The following TMEM116 variants were observed in gnomAD, a reference collection of about 807,000 sequenced individuals.
TMEM116 encodes the protein transmembrane protein 116.
In TMEM116, 38 loss-of-function variants were observed where a neutral mutation model predicts 44.3. The observed-to-expected ratio is 0.86, with a 90% confidence interval of 0.66 to 1.12. The LOEUF (loss-of-function observed/expected upper bound fraction) is 1.12, where lower values mean the gene tolerates loss of function less well. Ranked by LOEUF, TMEM116 falls within the 50% of genes most tolerant of loss-of-function variation. TMEM116 has a pLI of 0.00. For synonymous variants in TMEM116, 132 were observed against 144.8 expected (o/e 0.91, Z 0.64); for missense variants, 354 against 401.7 (o/e 0.88, Z 1.01).
intron 5 of TMEM116, among the ~76,000 whole-genome samples, chr12:111,940,523 G>GTATATATATATATATATATATATATA (rs759583297): frequency 9.5e-6 from 1 of 104,950 alleles, no homozygotes; most frequent in East Asian, 6.6e-4. Flanking sequence ...ATATATATGT[G>GTATATATATATATATATATATATATA]TATATATATA....
chr12:111,999,463 G>A (rs1363541312), intron 3 of TMEM116, among the ~76,000 whole-genome samples: 52 of 151,810 alleles, frequency 3.4e-4, no homozygotes, highest in Admixed American at 3.2e-3. Context: ...GGGCATGCTG[G>A]CGCATGCCTG....
intron 1 of TMEM116, chr12:112,005,993 T>A (rs894300588): frequency 1.0e-6 from 1 of 985,714 alleles, no homozygotes; most frequent in African/African-American, 1.7e-5. Flanking sequence ...AGTGGAAAGG[T>A]CATAGGGACT....
chr12:111,957,815 C>T lies in TMEM116; in HGVS notation c.211-14446G>A, dbSNP rs975716961. On this transcript the variant is annotated intron_variant, in intron 4 of 10. Transcript: ENST00000552374. The stretch of plus-strand genomic sequence containing the variant: ...TGAGAACGGGCCATGATGACAATGG[C>T]GGTTTTGTTGAATAGAAAAGGGGGA... Among the ~76,000 whole-genome samples, 12 of 152,208 alleles carry T rather than the reference C, an allele frequency of 7.9e-5. No homozygotes were observed. The South Asian group carries it at 1.0e-3, about 13-fold the overall frequency.
Position 111,949,766 on chromosome 12 carries a change from C to A in TMEM116, c.211-6397G>T, listed in dbSNP as rs541516490. On this transcript the variant is annotated intron_variant, in intron 4 of 10. Coordinates refer to ENST00000552374, the MANE Select transcript of TMEM116 (RefSeq NM_001193531.2). ...AATCTTCTAGGTACCTCCAATCCAA[C>A]CTTCTTCCATAAAATTACTAAAACC... 2.5e-3 allele frequency among the ~76,000 whole-genome samples: 374 copies of A among 152,242 alleles called. 1 individual carries two copies. Among genetic ancestry groups the A allele is most frequent in the Non-Finnish European group, 4.0e-3 (271 of 68,010 alleles).
intron 4 of TMEM116, among the ~76,000 whole-genome samples, chr12:111,948,888 G>A (rs890173275): frequency 3.3e-4 from 50 of 151,854 alleles, no homozygotes; most frequent in East Asian, 1.9e-4. Context: ...AGACCAGCCT[G>A]GACAACATAG....
intron 4 of TMEM116, among the ~76,000 whole-genome samples, chr12:111,969,458 G>A (rs1489261241): frequency 2.0e-5 from 3 of 150,920 alleles, no homozygotes; most frequent in African/African-American, 4.9e-5. Context: ...GCAGTGGAGC[G>A]ATCTTGGCTC....
At chr12:111,931,980 T>C (rs1401389793) in intron 10 of TMEM116, among the ~76,000 whole-genome samples, 153 bp from the exon 11 acceptor site, 2 of 152,142 alleles carry the variant, frequency 1.3e-5, no homozygotes, top group Non-Finnish European at 2.9e-5. Flanking sequence ...TTCTAGTTCA[T>C]CCTGAACTCA....
intron 4 of TMEM116, among the ~76,000 whole-genome samples, chr12:111,974,888 A>G (rs1373162101): frequency 6.6e-6 from 1 of 152,156 alleles, no homozygotes; most frequent in Non-Finnish European, 1.5e-5. Flanking sequence ...GAAATTTAAA[A>G]AATGTTATTT....
intron 4 of TMEM116, among the ~76,000 whole-genome samples, chr12:111,989,042 G>A (rs1384465186): frequency 1.3e-5 from 2 of 151,798 alleles, no homozygotes; most frequent in East Asian, 3.9e-4. Flanking sequence ...ACAAACTAGT[G>A]TTTTTAAGCC....
chr12:111,959,774 T>C (rs1385304565), intron 4 of TMEM116, among the ~76,000 whole-genome samples: 1 of 152,150 alleles, frequency 6.6e-6, no homozygotes, highest in Non-Finnish European at 1.5e-5. Flanking sequence ...CATTACATAA[T>C]GGTAAAGGGA....
At chr12:112,003,671 T>C (rs1250111765) in intron 3 of TMEM116, 129 bp downstream of exon 3, 20 of 1,319,128 alleles carry the variant, frequency 1.5e-5, no homozygotes, top group Non-Finnish European at 1.9e-5. Flanking sequence ...AAATATCTCA[T>C]TGTATCATCA....
intron 3 of TMEM116, chr12:111,993,797 G>C: frequency 1.4e-6 from 1 of 737,924 alleles, no homozygotes; most frequent in South Asian, 1.4e-5. Flanking sequence ...TACATACCTG[G>C]AGTGTTTTGT....
At chr12:111,942,758 CTGTATG>C (rs963222976) in intron 5 of TMEM116, among the ~76,000 whole-genome samples, 2 of 151,654 alleles carry the variant, frequency 1.3e-5, no homozygotes, top group African/African-American at 2.4e-5. Context: ...ATAATCAAAC[CTGTATG>C]TGTATGTGTG....
At chr12:111,989,688 T>C (rs942053624) in intron 4 of TMEM116, among the ~76,000 whole-genome samples, 2 of 152,278 alleles carry the variant, frequency 1.3e-5, no homozygotes, top group Non-Finnish European at 2.9e-5. Flanking sequence ...CCCACTCTCA[T>C]GGGAAAAGAT....
chr12:112,009,117 G>A (rs1410699894), intron 1 of TMEM116, among the ~76,000 whole-genome samples: 1 of 152,172 alleles, frequency 6.6e-6, no homozygotes, highest in Non-Finnish European at 1.5e-5. Context: ...AGAATTCACG[G>A]TGTAATGATT....
At chr12:111,967,857 CA>C (rs1330990163) in intron 4 of TMEM116, among the ~76,000 whole-genome samples, 1 of 152,120 alleles carries the variant, frequency 6.6e-6, no homozygotes, top group Non-Finnish European at 1.5e-5. Flanking sequence ...AGACATCAGA[CA>C]ACAAAGGGCA....
intron 4 of TMEM116, 86 bp downstream of exon 4, chr12:111,991,672 A>G: frequency 7.4e-7 from 1 of 1,354,928 alleles, no homozygotes; most frequent in Non-Finnish European, 9.8e-7. Flanking sequence ...ATACGTCTCC[A>G]CTTCCCAAGG....
chr12:111,983,655 A>G (rs1324637849), intron 4 of TMEM116, among the ~76,000 whole-genome samples: 2 of 152,150 alleles, frequency 1.3e-5, no homozygotes, highest in Non-Finnish European at 2.9e-5. Context: ...GAACAGACCT[A>G]TAACTAGTAA....
chr12:111,968,955 T>C (rs2075143409), intron 4 of TMEM116, among the ~76,000 whole-genome samples: 1 of 130,828 alleles, frequency 7.6e-6, no homozygotes, highest in Non-Finnish European at 1.5e-5. Flanking sequence ...GTCGTGTCAC[T>C]GCACTCCAAC....
Sources: gnomAD v4.1 joint callset for allele counts (sites outside exome capture counted in the v4.1 genomes callset) on GRCh38, gnomAD v4.1.1 for gene constraint, MANE v1.5 for transcripts, NCBI Gene and HGNC (gene_info 2026-07-23, HGNC 2026-07-21) for gene names.